The following FANCA variants were observed in gnomAD, a reference collection of about 807,000 sequenced individuals.
FANCA encodes FA complementation group A.
A neutral mutation model predicts 194.3 loss-of-function variants in FANCA; 236 were observed. The ratio of observed to expected loss-of-function variants is 1.21; its 90% CI spans 1.09 to 1.35. The LOEUF is 1.35. FANCA is among the 40% of genes most tolerant of loss of function. The pLI is 0.00. For synonymous variants in FANCA, 1,014 were observed against 715.8 expected, an observed-to-expected ratio of 1.42 and a Z score of -6.65; for missense variants, 2,628 against 1,813.9, an observed-to-expected ratio of 1.45 and a Z score of -8.15.
chr16:89,784,851 C>A lies in FANCA; in HGVS notation c.1470+3G>T. 1.2e-6 allele frequency: 2 copies of A among 1,609,378 alleles called. No homozygotes were observed. Among genetic ancestry groups the A allele is most frequent in the Non-Finnish European group, 1.7e-6 (2 of 1,175,672 alleles). On this transcript the variant is annotated splice_donor_region_variant and intron_variant, in intron 15 of 42. Transcript: ENST00000389301. Reference sequence around the variant, plus strand: ...ATCATGGATGTGGCAGCCAGCTTCTCACCTGCAGGTACCGGGGAGACTCAA... The same window carrying A: ...ATCATGGATGTGGCAGCCAGCTTCTAACCTGCAGGTACCGGGGAGACTCAA...
chr16:89,745,278 A>G (rs1160509664), intron 35 of FANCA, among the ~76,000 whole-genome samples: 1 of 152,266 alleles, frequency 6.6e-6, no homozygotes, highest in Non-Finnish European at 1.5e-5. Context: ...CTCATGGAAG[A>G]CGTGGAATTT....
Position 89,769,880 on chromosome 16 carries a change from G to C in FANCA, c.2461C>G (p.Leu821Val), listed in dbSNP as rs965891999. Residue 821 changes from leucine to valine, a missense_variant, in exon 26 of 43, where the codon CTC becomes GTC. Physicochemically the swap from Leu to Val is conservative, Grantham distance 32. Transcript: ENST00000389301. ...GLPVPALFDS[L>V]LTCRTRDSLF... ...GAATCCCTCGTCCTACAGGTCAGGA[G>C]GCTGTCAAAGAGCGCAGGGACAGGA... 1.2e-6 allele frequency: 2 copies of C among 1,614,038 alleles called. No individual in the cohort carries two copies. Among genetic ancestry groups the C allele is most frequent in the Admixed American group, 1.7e-5 (1 of 59,986 alleles).
intron 26 of FANCA, among the ~76,000 whole-genome samples, chr16:89,767,905 C>T (rs534311902): frequency 2.0e-5 from 3 of 152,218 alleles, no homozygotes; most frequent in African/African-American, 4.8e-5. Context: ...AGGCTGGTCT[C>T]GAACTGCTGA....
chr16:89,760,037 A>C (rs1384567178), intron 29 of FANCA, among the ~76,000 whole-genome samples: 1 of 152,230 alleles, frequency 6.6e-6, no homozygotes, highest in Non-Finnish European at 1.5e-5. Context: ...TGCTCCACCC[A>C]CACTGTCTGG....
intron 11 of FANCA, 51 bp downstream of exon 11, chr16:89,795,855 C>T (rs1351473569): frequency 7.3e-7 from 1 of 1,376,224 alleles, no homozygotes; most frequent in Admixed American, 1.7e-5. Context: ...AACAAGGCAA[C>T]AGCAATCCCC....
intron 3 of FANCA, among the ~76,000 whole-genome samples, chr16:89,811,458 C>G (rs1400992336): frequency 1.3e-5 from 2 of 152,214 alleles, no homozygotes; most frequent in African/African-American, 4.8e-5. Flanking sequence ...AGAGATAAGC[C>G]TGCCCCTGTT....
intron 8 of FANCA, among the ~76,000 whole-genome samples, chr16:89,800,940 G>T (rs983076951): frequency 6.6e-6 from 1 of 151,646 alleles, no homozygotes; most frequent in Non-Finnish European, 1.5e-5. Context: ...GACTGAGGCA[G>T]GAGAATAGCT....
intron 10 of FANCA, among the ~76,000 whole-genome samples, chr16:89,796,583 G>A (rs573603311): frequency 6.6e-6 from 1 of 152,326 alleles, no homozygotes; most frequent in East Asian, 1.9e-4. Flanking sequence ...GGGTCACAGA[G>A]CCAGGTGGCA....
intron 6 of FANCA, 83 bp downstream of exon 6, chr16:89,808,211 C>G: frequency 3.0e-6 from 4 of 1,315,346 alleles, no homozygotes; most frequent in Non-Finnish European, 4.4e-6. Context: ...AAATCAAACC[C>G]GTCTGATTCT....
At chr16:89,761,644 A>G (rs2038958225) in intron 29 of FANCA, among the ~76,000 whole-genome samples, 2 of 152,052 alleles carry the variant, frequency 1.3e-5, no homozygotes, top group Admixed American at 1.3e-4. Context: ...TTTTCTTTTG[A>G]GATAGGGTCT....
At chr16:89,781,036 A>C (rs1286367875) in intron 17 of FANCA, among the ~76,000 whole-genome samples, 1 of 152,106 alleles carries the variant, frequency 6.6e-6, no homozygotes. Context: ...GTTCTTCAGT[A>C]ACTCGTAACT....
Position 89,815,956 on chromosome 16 carries a change from G to T in FANCA, c.110C>A (p.Pro37His). ...AGRVKREKYN[P>H]ERAQKLKESA... ...TTCCTTTAATTTCTGTGCCCTTTCA[G>T]GATTATATTTTTCCCTCTTGACCCT... Residue 37 changes from proline (P) to histidine (H), a missense_variant, in exon 2 of 43, where the codon CCT becomes CAT. Coordinates refer to ENST00000389301, the MANE Select transcript of FANCA (RefSeq NM_000135.4). 1 of 1,614,100 alleles carries T rather than the reference G, an allele frequency of 6.2e-7. No individual in the cohort carries two copies. Among genetic ancestry groups the T allele is most frequent in the Non-Finnish European group, 8.5e-7 (1 of 1,179,934 alleles).
chr16:89,745,986 C>T lies in FANCA; in HGVS notation c.3513+598G>A, dbSNP rs182683375. On this transcript the variant is annotated intron_variant, in intron 35 of 42. Transcript: ENST00000389301. ...GCTCCCTGGGGAACATGCCGTGCTG[C>T]GGAGAAAAAGGCCCTCCTGTCCCTG... 2.6e-4 allele frequency among the ~76,000 whole-genome samples: 40 copies of T among 152,272 alleles called. 1 individual carries two copies. In the East Asian group the frequency reaches 2.7e-3, roughly 10 times the overall value.
chr16:89,742,204 T>G (rs1349507834), intron 37 of FANCA, among the ~76,000 whole-genome samples: 1 of 152,066 alleles, frequency 6.6e-6, no homozygotes, highest in Non-Finnish European at 1.5e-5. Context: ...CTCAAACTCC[T>G]GACACCAAGT....
intron 14 of FANCA, among the ~76,000 whole-genome samples, chr16:89,787,267 T>G (rs1171728526): frequency 6.6e-6 from 1 of 152,090 alleles, no homozygotes; most frequent in Non-Finnish European, 1.5e-5. Flanking sequence ...CTAGCGCCTG[T>G]GATCCCAACA....
At chr16:89,739,863 G>A in intron 39 of FANCA, 131 bp downstream of exon 39, 1 of 1,539,762 alleles carries the variant, frequency 6.5e-7, no homozygotes. Context: ...TGCTTAATCT[G>A]TCCCAACTAA....
At chr16:89,765,296 G>C (rs1567614854) in intron 27 of FANCA, among the ~76,000 whole-genome samples, 1 of 151,528 alleles carries the variant, frequency 6.6e-6, no homozygotes, top group South Asian at 2.1e-4. Flanking sequence ...GGGGACCTCA[G>C]TCCAGCCCTT....
At chr16:89,760,564 C>G (rs552778349) in intron 29 of FANCA, among the ~76,000 whole-genome samples, 12 of 152,150 alleles carry the variant, frequency 7.9e-5, no homozygotes, top group Non-Finnish European at 1.6e-4. Flanking sequence ...ATTCCCCTCT[C>G]CCTGACCTCC....
intron 27 of FANCA, among the ~76,000 whole-genome samples, chr16:89,766,260 G>A (rs1468141531): frequency 6.6e-6 from 1 of 151,844 alleles, no homozygotes; most frequent in Non-Finnish European, 1.5e-5. Context: ...CTCCCAAAGT[G>A]TTGGGATTAC....
Sources: allele counts gnomAD v4.1 joint callset (sites outside exome capture counted in the v4.1 genomes callset), GRCh38; gene constraint gnomAD v4.1.1; transcripts MANE v1.5; gene names NCBI Gene and HGNC (gene_info 2026-07-23, HGNC 2026-07-21).